Variants in INPP4B observed in about 807,000 individuals in gnomAD.
INPP4B encodes inositol polyphosphate-4-phosphatase type II B, also known as inositol polyphosphate 4-phosphatase type II.
In INPP4B, 55 loss-of-function variants were observed where a neutral mutation model predicts 122.5. That is an observed-to-expected ratio of 0.45 (90% CI 0.36 to 0.56). The LOEUF is 0.56. Ranked by LOEUF, INPP4B falls within the 20% of genes least tolerant of loss-of-function variation. The probability of loss-of-function intolerance (pLI) is 0.00; values close to 1 mark genes in which losing one functional copy is unlikely to be tolerated. For synonymous variants in INPP4B, 403 were observed against 388.7 expected (o/e 1.04, Z -0.43); for missense variants, 1,000 against 1,097.7 (o/e 0.91, Z 1.26).
At chr4:142,747,620 T>C (rs150522971) in intron 1 of INPP4B, among the ~76,000 whole-genome samples, 4,136 of 152,172 alleles carry the variant, frequency 0.027, 77 homozygotes, top group Middle Eastern at 0.095. Flanking sequence ...TGGAATCAAC[T>C]CAAATGTCCA....
chr4:142,686,146 T>C (rs1759318131), intron 2 of INPP4B, among the ~76,000 whole-genome samples: 1 of 152,054 alleles, frequency 6.6e-6, no homozygotes, highest in Admixed American at 6.6e-5. Context: ...CCATAAGAAT[T>C]TGTGAAACTA....
At chr4:142,392,195 A>T (rs1466948299) in intron 7 of INPP4B, among the ~76,000 whole-genome samples, 2 of 152,128 alleles carry the variant, frequency 1.3e-5, no homozygotes, top group Admixed American at 1.3e-4. Flanking sequence ...ACCCACTGGA[A>T]CCCCTTTAGG....
At chr4:142,590,895 A>AC (rs1737329038) in intron 2 of INPP4B, among the ~76,000 whole-genome samples, 1 of 146,376 alleles carries the variant, frequency 6.8e-6, no homozygotes, top group African/African-American at 2.7e-5. Flanking sequence ...AAAAAAAAAA[A>AC]AAAAACAAAA....
At chr4:142,036,075 T>C (rs1743733892) in intron 25 of INPP4B, among the ~76,000 whole-genome samples, 1 of 152,042 alleles carries the variant, frequency 6.6e-6, no homozygotes, top group Admixed American at 6.6e-5. Flanking sequence ...CCTCTAATAG[T>C]GTGCAGTGTC....
intron 16 of INPP4B, among the ~76,000 whole-genome samples, chr4:142,162,388 A>T (rs1297601296): frequency 6.6e-6 from 1 of 151,880 alleles, no homozygotes; most frequent in East Asian, 1.9e-4. Context: ...AAAATGAGGA[A>T]ACATGTTATT....
At chr4:142,259,871 C>A (rs1738877247) in intron 11 of INPP4B, among the ~76,000 whole-genome samples, 1 of 152,050 alleles carries the variant, frequency 6.6e-6, no homozygotes, top group African/African-American at 2.4e-5. Context: ...TCAGGATCAT[C>A]AAGATGTTAC....
chr4:142,620,130 C>A (rs943845543), intron 2 of INPP4B, among the ~76,000 whole-genome samples: 1 of 151,896 alleles, frequency 6.6e-6, no homozygotes, highest in Non-Finnish European at 1.5e-5. Flanking sequence ...AACTACCATT[C>A]GGCCCAACAA....
At chr4:142,579,223 G>A (rs773233723) in intron 2 of INPP4B, among the ~76,000 whole-genome samples, 4 of 152,018 alleles carry the variant, frequency 2.6e-5, no homozygotes, top group Non-Finnish European at 5.9e-5. Context: ...TGTAATGTGA[G>A]TTATAAAAAG....
intron 3 of INPP4B, among the ~76,000 whole-genome samples, chr4:142,454,100 A>C (rs965291003): frequency 6.6e-6 from 1 of 152,102 alleles, no homozygotes; most frequent in Admixed American, 6.6e-5. Context: ...ACTGAAAAAA[A>C]CAACATGTGT....
At chr4:142,444,769 C>T (rs1162798217) in intron 3 of INPP4B, among the ~76,000 whole-genome samples, 1 of 151,928 alleles carries the variant, frequency 6.6e-6, no homozygotes, top group African/African-American at 2.4e-5. Context: ...AAATGCCCAT[C>T]AATGATAAAC....
chr4:142,555,586 C>T (rs796655296), intron 2 of INPP4B, among the ~76,000 whole-genome samples: 1 of 152,116 alleles, frequency 6.6e-6, no homozygotes, highest in African/African-American at 2.4e-5. Flanking sequence ...AAAAGCATTT[C>T]GGCCAGGCGT....
At chr4:142,609,227 C>G (rs1187219757) in intron 2 of INPP4B, among the ~76,000 whole-genome samples, 1 of 151,186 alleles carries the variant, frequency 6.6e-6, no homozygotes, top group African/African-American at 2.4e-5. Context: ...AACATAAATA[C>G]TTATTTATGT....
intron 2 of INPP4B, among the ~76,000 whole-genome samples, chr4:142,542,674 C>T (rs192933885): frequency 1.7e-4 from 26 of 152,256 alleles, no homozygotes; most frequent in Admixed American, 1.6e-3. Flanking sequence ...ATGTCCAGAG[C>T]CATTGCTCTT....
chr4:142,533,734 T>G lies in INPP4B; in HGVS notation c.-190-71008A>C, dbSNP rs547460951. ...TCTTAAGCAAATAAAGAAACATGTTTATAAGAATATGACCCACCCTGAAAA... is the reference window on the plus strand; with the variant it reads ...TCTTAAGCAAATAAAGAAACATGTTGATAAGAATATGACCCACCCTGAAAA... On this transcript the variant is annotated intron_variant, in intron 2 of 25. Transcript: ENST00000262992. 7.2e-5 allele frequency among the ~76,000 whole-genome samples: 11 copies of G among 152,284 alleles called. No individual in the cohort carries two copies. The East Asian group carries it at 1.7e-3, about 24-fold the overall frequency.
intron 25 of INPP4B, among the ~76,000 whole-genome samples, chr4:142,032,288 G>C (rs965059801): frequency 1.3e-5 from 2 of 152,134 alleles, no homozygotes; most frequent in African/African-American, 4.8e-5. Context: ...CAGCAGAGAG[G>C]TAGGGAGGGA....
At position 142,198,384 on chromosome 4, in the gene INPP4B, A is replaced by T. The variant is rs929451830; in HGVS notation, c.1073-5189T>A. 6.6e-5 allele frequency among the ~76,000 whole-genome samples: 10 copies of T among 152,040 alleles called. No homozygotes were observed. The East Asian group carries it at 1.3e-3, about 21-fold the overall frequency. ...AGGTACATACTTAAATTATAAGCAA[A>T]ATTAATTTTGATCTTAATTATCTTT... is the stretch of plus-strand genomic sequence containing the variant. On this transcript the variant is annotated intron_variant, in intron 14 of 25. Coordinates refer to ENST00000262992, the MANE Select transcript of INPP4B (RefSeq NM_001101669.3).
intron 2 of INPP4B, among the ~76,000 whole-genome samples, chr4:142,501,044 T>TA (rs1231991084): frequency 6.6e-6 from 1 of 152,118 alleles, no homozygotes; most frequent in Non-Finnish European, 1.5e-5. Flanking sequence ...TTTACCACAA[T>TA]AAAAAATACT....
intron 2 of INPP4B, among the ~76,000 whole-genome samples, chr4:142,591,790 T>C (rs1292440681): frequency 8.5e-5 from 13 of 152,096 alleles, no homozygotes; most frequent in Admixed American, 6.5e-5. Context: ...GCCTGACCTA[T>C]GCAAAAAGTC....
rs538841994 is a variant in INPP4B, at chr4:142,363,149, A to T, written c.372+39789T>A. Among the ~76,000 whole-genome samples, 5 of 152,166 alleles carry T rather than the reference A, an allele frequency of 3.3e-5. No individual in the cohort carries two copies. The South Asian group carries it at 1.0e-3, about 32-fold the overall frequency. ...AGGTACAGAGTTAGAGCTAAGAATC[A>T]AGTTTTAGTTACTTGTGAGAGTCTG... is the stretch of plus-strand genomic sequence containing the variant. On this transcript the variant is annotated intron_variant, in intron 7 of 25. Transcript: ENST00000262992.
Sources: allele counts gnomAD v4.1 joint callset (sites outside exome capture counted in the v4.1 genomes callset), GRCh38; gene constraint gnomAD v4.1.1; transcripts MANE v1.5; gene names NCBI Gene and HGNC (gene_info 2026-07-23, HGNC 2026-07-21).